CERK: variants seen among roughly 807,000 people sequenced by gnomAD.
The protein encoded by CERK is acylsphingosine kinase.
In CERK, 39 loss-of-function variants were observed where a neutral mutation model predicts 63.4. The observed-to-expected ratio is 0.61, with a 90% CI of 0.48 to 0.80. The LOEUF (loss-of-function observed/expected upper bound fraction) is 0.80, where lower values mean the gene tolerates loss of function less well. Ranked by LOEUF, CERK falls within the 30% of genes least tolerant of loss-of-function variation. CERK has a pLI of 0.00. For missense variants in CERK, 670 were observed against 714.1 expected, an observed-to-expected ratio of 0.94 and a Z score of 0.70; for synonymous variants, 302 against 280.0, an observed-to-expected ratio of 1.08 and a Z score of -0.78.
At chr22:46,727,546 C>G (rs777154061) in intron 1 of CERK, among the ~76,000 whole-genome samples, 24 of 151,948 alleles carry the variant, frequency 1.6e-4, no homozygotes, top group Non-Finnish European at 2.8e-4. Flanking sequence ...TCCATCCACT[C>G]AGCCTCCCAA....
intron 5 of CERK, among the ~76,000 whole-genome samples, chr22:46,710,628 A>G (rs1475403604): frequency 1.3e-5 from 2 of 152,188 alleles, no homozygotes; most frequent in African/African-American, 4.8e-5. Context: ...AAAGAGCCTG[A>G]ACATCTACAA....
intron 3 of CERK, among the ~76,000 whole-genome samples, chr22:46,716,603 C>A (rs542618338): frequency 5.3e-5 from 8 of 151,546 alleles, no homozygotes; most frequent in African/African-American, 1.9e-4. Context: ...ATAAAAGATT[C>A]AGATCCACAA....
chr22:46,727,449 CT>C (rs772547106), intron 1 of CERK, among the ~76,000 whole-genome samples: 216 of 61,806 alleles, frequency 3.5e-3, no homozygotes, highest in South Asian at 0.014. Context: ...CCAGCTGTTT[CT>C]TTTTTTTTTT....
intron 4 of CERK, 149 bp downstream of exon 4, chr22:46,712,019 T>G: frequency 1.3e-6 from 1 of 753,996 alleles, no homozygotes. Flanking sequence ...TCAAGGAGGC[T>G]GAGGTTACAG....
At position 46,690,112 on chromosome 22, in the gene CERK, T is replaced by A. The variant is rs1407094929; in HGVS notation, c.1421A>T (p.Glu474Val). 4.3e-6 allele frequency: 7 copies of A among 1,613,846 alleles called. No individual in the cohort carries two copies. The highest frequency in any genetic ancestry group is 5.1e-6 in the Non-Finnish European group (6 of 1,179,960). ...HMEDEDSDLK[E>V]GGKKRFGHIC... ...GTGCCCAAAGCGCTTCTTCCCCCCCTCCTTGAGGTCGCTGTCCTCATCCTC... is the reference window on the plus strand; with the variant it reads ...GTGCCCAAAGCGCTTCTTCCCCCCCACCTTGAGGTCGCTGTCCTCATCCTC... The change falls in exon 12 of 13, where the codon GAG becomes GTG. Residue 474 changes from glutamate (E) to valine (V), a missense_variant. Coordinates refer to ENST00000216264, the MANE Select transcript of CERK (RefSeq NM_022766.6).
intron 1 of CERK, among the ~76,000 whole-genome samples, chr22:46,729,519 C>T (rs915372746): frequency 5.9e-5 from 9 of 152,066 alleles, no homozygotes; most frequent in African/African-American, 1.7e-4. Flanking sequence ...AATGCTCCTC[C>T]TGCCCCAGCC....
chr22:46,731,230 G>A (rs2082943806), intron 1 of CERK, among the ~76,000 whole-genome samples: 1 of 152,274 alleles, frequency 6.6e-6, no homozygotes, highest in South Asian at 2.1e-4. Context: ...CTGGAGTGGA[G>A]TAAGAGGAGG....
At chr22:46,698,793 C>T (rs135682) in intron 8 of CERK, among the ~76,000 whole-genome samples, 92,856 of 151,682 alleles carry the variant, frequency 0.61, 29,413 homozygotes, top group Non-Finnish European at 0.71. Context: ...CCCAGCTACT[C>T]GGGAGGCTGA....
chr22:46,701,673 G>T lies in CERK; in HGVS notation c.753C>A (p.Thr251=), dbSNP rs1362270773. The T allele has an allele frequency of 6.4e-7, 1 of 1,559,344 alleles. No individual in the cohort carries two copies. Among genetic ancestry groups the T allele is most frequent in the Non-Finnish European group, 8.7e-7 (1 of 1,151,410 alleles). ...TDCVCYSTVG[T]SDAETSALHI... ...GCAGCGCCGAGGTTTCTGCGTCGCT[G>T]GTGCCCACGGTGGAGTAACACACGC... Residue 251 remains threonine, a synonymous_variant, in exon 7 of 13, where the codon ACC becomes ACA. Coordinates refer to ENST00000216264, the MANE Select transcript of CERK (RefSeq NM_022766.6).
Position 46,690,175 on chromosome 22 carries a change from T to C in CERK, c.1358A>G (p.Tyr453Cys), listed in dbSNP as rs2082723357. 1.2e-6 allele frequency: 2 copies of C among 1,613,766 alleles called. No homozygotes were observed. Among genetic ancestry groups the C allele is most frequent in the African/African-American group, 2.7e-5 (2 of 74,846 alleles). The change falls in exon 12 of 13, where the codon TAT (tyrosine) becomes TGT (cysteine). Residue 453 changes from tyrosine (Y) to cysteine (C), a missense_variant. Tyr to Cys is a radical substitution (Grantham distance 194). Transcript: ENST00000216264. ...CGTAAACTGGAATTTCTTGACGCGATAAACTTCAACAAAAGTGAAGTCAAA... is the reference window on the plus strand; with the variant it reads ...CGTAAACTGGAATTTCTTGACGCGACAAACTTCAACAAAAGTGAAGTCAAA... ...DQFDFTFVEV[Y>C]RVKKFQFTSK...
chr22:46,708,682 A>C (rs547024232), intron 5 of CERK, among the ~76,000 whole-genome samples: 1 of 152,352 alleles, frequency 6.6e-6, no homozygotes, highest in South Asian at 2.1e-4. Flanking sequence ...GGGGTAACCC[A>C]CAGGGAACCA....
chr22:46,722,650 C>T (rs961671768), intron 1 of CERK, among the ~76,000 whole-genome samples: 1 of 151,798 alleles, frequency 6.6e-6, no homozygotes, highest in African/African-American at 2.4e-5. Flanking sequence ...ACCTCCACCT[C>T]CCGGTTCAAG....
In CERK at chr22:46,738,141, GC is replaced by G; in HGVS notation, c.7del (p.Ala3ArgfsTer14). 4 of 1,207,100 alleles carry G rather than the reference GC, an allele frequency of 3.3e-6. No homozygotes were observed. The highest frequency in any genetic ancestry group is 3.1e-6 in the Non-Finnish European group (3 of 969,780). The allele number at this position is 1,207,100 out of a possible 1,614,324, so 74.8% of individuals were successfully genotyped here. ...TTGCAGCGGCTCCGCCGCCCCCGTC[GC>G]CCCCATCTCCGCCGCCGGGCTCGTC... MG[A>X]TGAAEPLQSV... On this transcript the variant is annotated frameshift_variant, in exon 1 of 13. Coordinates refer to ENST00000216264, the MANE Select transcript of CERK (RefSeq NM_022766.6). LOFTEE classifies it high-confidence loss of function.
chr22:46,717,948 A>G (rs6008962), intron 3 of CERK, among the ~76,000 whole-genome samples: 25,348 of 152,096 alleles, frequency 0.17, 3,261 homozygotes, highest in African/African-American at 0.36. Flanking sequence ...AGGTGTGGTA[A>G]TGGGTGCCTA....
chr22:46,723,431 C>T (rs1450625626), intron 1 of CERK, among the ~76,000 whole-genome samples: 1 of 152,028 alleles, frequency 6.6e-6, no homozygotes, highest in Non-Finnish European at 1.5e-5. Context: ...CCAGCCTGGC[C>T]AACATGGTGA....
In CERK at chr22:46,691,659, G is replaced by A. The variant is rs760850019; in HGVS notation, c.1245C>T (p.Asp415=). The A allele has an allele frequency of 5.6e-5, 90 of 1,613,980 alleles. No homozygotes were observed. Among genetic ancestry groups the A allele is most frequent in the Middle Eastern group, 1.7e-4 (1 of 6,060 alleles). The change falls in exon 11 of 13, where the codon GAC becomes GAT. Residue 415 remains aspartate, a synonymous_variant. Transcript: ENST00000216264. ...GGATGAGGATGAGGTCAGAAGACCCGTCTCCCAAGTGGGCAGCCGGGGAGA... is the reference window on the plus strand; with the variant it reads ...GGATGAGGATGAGGTCAGAAGACCCATCTCCCAAGTGGGCAGCCGGGGAGA... The part of the protein sequence containing the change: ...RGLSPAAHLG[D]GSSDLILIRK...
chr22:46,734,261 A>G (rs1342115987), intron 1 of CERK, among the ~76,000 whole-genome samples: 1 of 152,150 alleles, frequency 6.6e-6, no homozygotes, highest in East Asian at 1.9e-4. Flanking sequence ...ACACAATGCA[A>G]TATGACTTAG....
chr22:46,727,845 T>G (rs899237439), intron 1 of CERK, among the ~76,000 whole-genome samples: 4 of 113,742 alleles, frequency 3.5e-5, no homozygotes, highest in African/African-American at 1.6e-4. Context: ...CCCCCGGCCC[T>G]GCCACCCCCG....
At chr22:46,701,150 G>GCC (rs2082781683) in intron 7 of CERK, among the ~76,000 whole-genome samples, 1 of 152,252 alleles carries the variant, frequency 6.6e-6, no homozygotes, top group Non-Finnish European at 1.5e-5. Context: ...CCACCGTGCT[G>GCC]AGTGCCATGG....
Sources: allele counts gnomAD v4.1 joint callset (sites outside exome capture counted in the v4.1 genomes callset), GRCh38; gene constraint gnomAD v4.1.1; transcripts MANE v1.5; gene names NCBI Gene and HGNC (gene_info 2026-07-23, HGNC 2026-07-21).